The following NUP160 variants were observed in gnomAD, a reference collection of about 807,000 sequenced individuals.
The protein encoded by NUP160 is nucleoporin 160.
Under a neutral mutation model 196.9 loss-of-function variants are expected in NUP160, and 94 were observed. The observed-to-expected ratio is 0.48, with a 90% CI of 0.40 to 0.57. The LOEUF (loss-of-function observed/expected upper bound fraction) is 0.57, where lower values mean the gene tolerates loss of function less well. NUP160 is among the 20% of genes least tolerant of loss of function. The pLI is 0.00. For missense variants in NUP160, 1,638 were observed against 1,748.3 expected, an observed-to-expected ratio of 0.94 and a Z score of 1.13; for synonymous variants, 605 against 619.7, an observed-to-expected ratio of 0.98 and a Z score of 0.35.
At chr11:47,847,657 G>A (rs79216233) in intron 2 of NUP160, among the ~76,000 whole-genome samples, 191 bp downstream of exon 2, 1 of 113,468 alleles carries the variant, frequency 8.8e-6, no homozygotes, top group African/African-American at 3.5e-5. Flanking sequence ...GTGGGGGGGG[G>A]GAGGGGGAGA....
At position 47,807,063 on chromosome 11, in the gene NUP160, T is replaced by C; in HGVS notation, c.2446+7A>G. ...AAAATGAAATGTGTACATAGTCCAC[T>C]CCTTACCAAACCTATTTGCCATTAA... is the stretch of plus-strand genomic sequence containing the variant. On this transcript the variant is annotated splice_region_variant and intron_variant, in intron 19 of 35. Coordinates refer to ENST00000378460, the Ensembl canonical transcript of NUP160. The C allele has an allele frequency of 6.3e-7, 1 of 1,593,226 alleles. No individual in the cohort carries two copies. The highest frequency in any genetic ancestry group is 8.6e-7 in the Non-Finnish European group (1 of 1,161,260).
At chr11:47,804,441 T>C in intron 21 of NUP160, 108 bp downstream of exon 21, 1 of 730,434 alleles carries the variant, frequency 1.4e-6, no homozygotes, top group Non-Finnish European at 2.3e-6. Flanking sequence ...TAATCAAGTT[T>C]AAATTATTGT....
chr11:47,818,747 G>T (rs923048332), intron 10 of NUP160, among the ~76,000 whole-genome samples: 1 of 151,962 alleles, frequency 6.6e-6, no homozygotes, highest in Non-Finnish European at 1.5e-5. Flanking sequence ...CCAAAATGAA[G>T]GAGAAAAACA....
intron 35 of NUP160, 139 bp downstream of exon 35, chr11:47,780,204 G>T: frequency 1.7e-6 from 1 of 599,138 alleles, no homozygotes; most frequent in Non-Finnish European, 3.0e-6. Flanking sequence ...TATCTATAAA[G>T]GGACTGGGCA....
chr11:47,802,762 C>T (rs1054247190), intron 22 of NUP160, among the ~76,000 whole-genome samples: 7 of 151,950 alleles, frequency 4.6e-5, no homozygotes, highest in Admixed American at 4.6e-4. Flanking sequence ...ATCACTTGAG[C>T]CCAGGAGTTC....
intron 32 of NUP160, 51 bp downstream of exon 32, chr11:47,786,402 T>C (rs371786782): frequency 2.7e-6 from 3 of 1,116,992 alleles, no homozygotes; most frequent in African/African-American, 3.1e-5. Context: ...GAAAGACAGT[T>C]ACAGCTTTTA....
At chr11:47,822,000 G>T in intron 8 of NUP160, 87 bp downstream of exon 8, 1 of 1,025,480 alleles carries the variant, frequency 9.8e-7, no homozygotes, top group Non-Finnish European at 1.5e-6. Flanking sequence ...TCCATTTTAA[G>T]ACTACAATCC....
At chr11:47,812,001 T>C (rs2097681421) in intron 17 of NUP160, 63 bp downstream of exon 17, 1 of 1,517,456 alleles carries the variant, frequency 6.6e-7, no homozygotes, top group East Asian at 2.3e-5. Context: ...ATTTTGCTCC[T>C]AAGTGCTTGT....
At chr11:47,844,487 T>G (rs1268536149) in intron 2 of NUP160, among the ~76,000 whole-genome samples, 1 of 152,224 alleles carries the variant, frequency 6.6e-6, no homozygotes, top group African/African-American at 2.4e-5. Context: ...TTCCACTCTT[T>G]GAACACAACA....
intron 27 of NUP160, among the ~76,000 whole-genome samples, chr11:47,795,421 T>TTGA (rs2097670335): frequency 6.6e-6 from 1 of 152,166 alleles, no homozygotes; most frequent in Non-Finnish European, 1.5e-5. Flanking sequence ...TTATTTCCCT[T>TTGA]CCTATATGAT....
intron 7 of NUP160, among the ~76,000 whole-genome samples, chr11:47,825,662 A>G (rs1489425844): frequency 6.6e-6 from 1 of 152,082 alleles, no homozygotes; most frequent in Admixed American, 6.6e-5. Flanking sequence ...CATGTTGGTC[A>G]GGGTGGTCTC....
intron 34 of NUP160, among the ~76,000 whole-genome samples, chr11:47,782,677 G>C (rs2097662135): frequency 6.6e-6 from 1 of 151,620 alleles, no homozygotes; most frequent in Non-Finnish European, 1.5e-5. Context: ...ATTTATTTTT[G>C]AGATGGAGTC....
At chr11:47,845,371 C>T (rs1167516012) in intron 2 of NUP160, among the ~76,000 whole-genome samples, 2 of 152,208 alleles carry the variant, frequency 1.3e-5, no homozygotes, top group Non-Finnish European at 2.9e-5. Flanking sequence ...AACTCCTGAC[C>T]TCAGGTGATC....
At chr11:47,785,648 C>T (rs1389102853) in intron 32 of NUP160, among the ~76,000 whole-genome samples, 1 of 152,180 alleles carries the variant, frequency 6.6e-6, no homozygotes, top group Non-Finnish European at 1.5e-5. Context: ...ATTCATTTAA[C>T]TCCTTTGTTT....
intron 23 of NUP160, 79 bp downstream of exon 23, chr11:47,801,732 C>A (rs2097674291): frequency 4.6e-6 from 6 of 1,298,236 alleles, no homozygotes; most frequent in Non-Finnish European, 4.3e-6. Context: ...TAGTATTTTT[C>A]TCCAAAAATA....
chr11:47,823,094 A>G (rs1255066812), intron 7 of NUP160, among the ~76,000 whole-genome samples: 1 of 152,210 alleles, frequency 6.6e-6, no homozygotes, highest in Non-Finnish European at 1.5e-5. Context: ...CAGCAATGGG[A>G]TGGCTGGGTC....
chr11:47,835,799 C>A, exon 7 of NUP160: 1 of 1,583,378 alleles, frequency 6.3e-7, no homozygotes. Context: ...TACCATTAGG[C>A]ACATTTGCTC....
At chr11:47,838,039 GTTAAA>G (rs1360763297) in intron 4 of NUP160, among the ~76,000 whole-genome samples, 2 of 152,196 alleles carry the variant, frequency 1.3e-5, no homozygotes, top group Admixed American at 1.3e-4. Context: ...AGCAGAGACA[GTTAAA>G]TTAAGTAGAA....
At position 47,791,182 on chromosome 11, in the gene NUP160, A is replaced by G. The variant is rs536564531; in HGVS notation, c.3511+748T>C. Among the ~76,000 whole-genome samples, 15 of 152,018 alleles carry G rather than the reference A, an allele frequency of 9.9e-5. No homozygotes were observed. In the East Asian group the frequency reaches 2.7e-3, roughly 27 times the overall value. On this transcript the variant is annotated intron_variant, in intron 29 of 35. Transcript: ENST00000378460. ...TCTTTTTTTTTACAATGTTCCTTAC[A>G]CTGGATTCATTTTTCTTGAAATGGC...
Sources: gnomAD v4.1 joint callset for allele counts (sites outside exome capture counted in the v4.1 genomes callset) on GRCh38, gnomAD v4.1.1 for gene constraint, MANE v1.5 for transcripts, NCBI Gene and HGNC (gene_info 2026-07-23, HGNC 2026-07-21) for gene names.